Variants in ZNF618 observed in about 807,000 individuals in gnomAD.
ZNF618 encodes zinc finger protein 618.
Under a neutral mutation model 103.0 loss-of-function variants are expected in ZNF618, and 34 were observed. The ratio of observed to expected loss-of-function variants is 0.33; its 90% CI spans 0.25 to 0.44. The LOEUF (loss-of-function observed/expected upper bound fraction) is 0.44. Ranked by LOEUF, ZNF618 falls within the 20% of genes least tolerant of loss-of-function variation. The probability of loss-of-function intolerance (pLI) is 1.00; values close to 1 mark genes in which losing one functional copy is unlikely to be tolerated. For missense variants in ZNF618, 1,059 were observed against 1,295.4 expected (o/e 0.82, Z 2.80); for synonymous variants, 551 against 542.2 (o/e 1.02, Z -0.23).
At chr9:114,004,566 T>A (rs2133729159) in intron 6 of ZNF618, among the ~76,000 whole-genome samples, 1 of 152,382 alleles carries the variant, frequency 6.6e-6, no homozygotes, top group East Asian at 1.9e-4. Flanking sequence ...CTGACGGCTC[T>A]GTAGCGGGGG....
At chr9:113,922,477 GTTTTTTT>G (rs71367740) in intron 1 of ZNF618, among the ~76,000 whole-genome samples, 1 of 132,978 alleles carries the variant, frequency 7.5e-6, no homozygotes, top group African/African-American at 2.8e-5. Context: ...GTTTTGGTTT[GTTTTTTT>G]TTTTTTTTTT....
chr9:113,922,606 A>G (rs1832746225), intron 1 of ZNF618, among the ~76,000 whole-genome samples: 1 of 149,560 alleles, frequency 6.7e-6, no homozygotes, highest in African/African-American at 2.5e-5. Context: ...GTTTGGGTAT[A>G]TTTTTGGGCT....
intron 1 of ZNF618, among the ~76,000 whole-genome samples, chr9:113,889,829 A>G (rs1015801533): frequency 9.9e-5 from 15 of 152,078 alleles, no homozygotes; most frequent in African/African-American, 3.4e-4. Flanking sequence ...ATCACCTAAC[A>G]CATTTTGAGG....
At position 114,001,856 on chromosome 9, in the gene ZNF618, C is replaced by T. The variant is rs373931713; in HGVS notation, c.434-140C>T. 2.7e-5 allele frequency: 20 copies of T among 745,194 alleles called. No individual in the cohort carries two copies. The African/African-American group carries it at 3.1e-4, about 11-fold the overall frequency. The allele number at this position is 745,194 out of a possible 1,614,324, so 46.2% of individuals were successfully genotyped here. A position where few individuals can be genotyped will look rare whatever the true frequency, so the allele number is the denominator to read the frequency against. ...TAGACCCAGGCCTCGTGACTTCTAG[C>T]TCGGTGCTGCCTCCTTGCCAGGGAC... On this transcript the variant is annotated intron_variant, in intron 4 of 14. Coordinates refer to ENST00000374126, the MANE Select transcript of ZNF618 (RefSeq NM_001318042.2).
intron 1 of ZNF618, among the ~76,000 whole-genome samples, chr9:113,882,017 A>G (rs1345288967): frequency 6.6e-6 from 1 of 152,212 alleles, no homozygotes; most frequent in East Asian, 1.9e-4. Flanking sequence ...AAGTGTTGCC[A>G]GAGAGAAGGA....
chr9:113,917,748 C>G, intron 1 of ZNF618, among the ~76,000 whole-genome samples: 1 of 152,164 alleles, frequency 6.6e-6, no homozygotes, highest in East Asian at 1.9e-4. Flanking sequence ...AAGGGCTTAA[C>G]ACATTTTTTA....
chr9:113,943,363 G>C (rs1834720114), intron 1 of ZNF618, among the ~76,000 whole-genome samples: 1 of 152,178 alleles, frequency 6.6e-6, no homozygotes, highest in East Asian at 1.9e-4. Context: ...GAAGAGAAGG[G>C]AGAGTGCTGG....
intron 1 of ZNF618, among the ~76,000 whole-genome samples, chr9:113,959,906 G>A (rs1182115132): frequency 6.6e-6 from 1 of 152,212 alleles, no homozygotes; most frequent in Non-Finnish European, 1.5e-5. Flanking sequence ...ACCACGCCCG[G>A]CCCCCTTCTC....
chr9:113,901,157 C>T (rs954264661), intron 1 of ZNF618, among the ~76,000 whole-genome samples: 4 of 152,212 alleles, frequency 2.6e-5, no homozygotes, highest in African/African-American at 9.6e-5. Context: ...ACCCGAGCTC[C>T]TGTCTCCTAG....
intron 1 of ZNF618, among the ~76,000 whole-genome samples, chr9:113,896,525 A>G (rs1179554134): frequency 1.3e-5 from 2 of 151,956 alleles, no homozygotes; most frequent in African/African-American, 4.8e-5. Context: ...AATTTGTGGA[A>G]ATGTTTCATC....
chr9:114,020,714 T>G (rs920408218), intron 10 of ZNF618, among the ~76,000 whole-genome samples: 1 of 152,136 alleles, frequency 6.6e-6, no homozygotes, highest in Non-Finnish European at 1.5e-5. Flanking sequence ...TTTTTGGATT[T>G]TCTTTTGCAT....
intron 1 of ZNF618, among the ~76,000 whole-genome samples, chr9:113,894,988 TAAC>T (rs772167817): frequency 4.6e-5 from 7 of 152,166 alleles, no homozygotes; most frequent in Non-Finnish European, 1.0e-4. Context: ...ATAACAGGGA[TAAC>T]AAGTATTCTT....
At position 114,048,829 on chromosome 9, in the gene ZNF618, C is replaced by A. The variant is rs1335161765; in HGVS notation, c.1527C>A (p.Phe509Leu). Reference sequence around the variant, plus strand: ...ACAGTGGTGCCCGCTATGGGGCCTTCTCGGTCACTGAAATCCTGGGCAACT... The same window carrying A: ...ACAGTGGTGCCCGCTATGGGGCCTTATCGGTCACTGAAATCCTGGGCAACT... ...LVDSGARYGAFSVTEILGNFN... is the reference protein window; with the variant it reads ...LVDSGARYGALSVTEILGNFN... The change falls in exon 15 of 15, where the codon TTC becomes TTA. Residue 509 changes from phenylalanine (F) to leucine (L), a missense_variant. Around this residue, in one of 6 missense-constraint regions of ZNF618, gnomAD observed 434 missense variants for 476.0 expected, o/e 0.91. Transcript: ENST00000374126. The A allele has an allele frequency of 1.2e-6, 2 of 1,612,170 alleles. No homozygotes were observed. Among genetic ancestry groups the A allele is most frequent in the Non-Finnish European group, 1.7e-6 (2 of 1,179,094 alleles).
intron 4 of ZNF618, among the ~76,000 whole-genome samples, chr9:113,999,271 GCGGGGCCC>G (rs61388568): frequency 0.033 from 4,961 of 151,624 alleles, 250 homozygotes; most frequent in African/African-American, 0.11. Context: ...CGAGGGGCAG[GCGGGGCCC>G]TGGGTTTTAG....
At chr9:113,924,034 G>A (rs556672253) in intron 1 of ZNF618, among the ~76,000 whole-genome samples, 20 of 152,128 alleles carry the variant, frequency 1.3e-4, no homozygotes, top group Admixed American at 5.9e-4. Context: ...TGTTAGTGTC[G>A]TAGAATGAGT....
At chr9:114,018,418 G>A (rs1475188048) in intron 10 of ZNF618, among the ~76,000 whole-genome samples, 1 of 152,268 alleles carries the variant, frequency 6.6e-6, no homozygotes, top group African/African-American at 2.4e-5. Context: ...TGCCCAGGCT[G>A]GATGCTACCC....
At chr9:113,907,717 A>G (rs1831114480) in intron 1 of ZNF618, among the ~76,000 whole-genome samples, 1 of 152,200 alleles carries the variant, frequency 6.6e-6, no homozygotes, top group Non-Finnish European at 1.5e-5. Flanking sequence ...TGGGAGGTAC[A>G]GTTGAATGTC....
intron 1 of ZNF618, among the ~76,000 whole-genome samples, chr9:113,888,340 G>A (rs1483631644): frequency 6.6e-6 from 1 of 152,212 alleles, no homozygotes; most frequent in Non-Finnish European, 1.5e-5. Context: ...CATTTCATGG[G>A]GCCTGGGTCT....
At chr9:114,008,041 C>T (rs1298681393) in intron 7 of ZNF618, among the ~76,000 whole-genome samples, 3 of 152,194 alleles carry the variant, frequency 2.0e-5, no homozygotes, top group African/African-American at 7.2e-5. Flanking sequence ...GCCCTGGCCC[C>T]TTGAACCCAT....
Sources: allele counts gnomAD v4.1 joint callset (sites outside exome capture counted in the v4.1 genomes callset), GRCh38; gene constraint gnomAD v4.1.1; regional missense constraint gnomAD v4.1.1; transcripts MANE v1.5; gene names NCBI Gene and HGNC (gene_info 2026-07-23, HGNC 2026-07-21).